The following CHD6 variants were observed in gnomAD, a reference collection of about 807,000 sequenced individuals.
CHD6 encodes chromodomain helicase DNA binding protein 6, also known as ATP-dependent chromatin remodeler CHD6.
Under a neutral mutation model 276.9 loss-of-function variants are expected in CHD6, and 50 were observed. The ratio of observed to expected loss-of-function variants is 0.18; its 90% confidence interval spans 0.14 to 0.23. The LOEUF (loss-of-function observed/expected upper bound fraction) is 0.23. Ranked by LOEUF, CHD6 falls within the 10% of genes least tolerant of loss-of-function variation. CHD6 has a pLI of 1.00. For synonymous variants in CHD6, 1,173 were observed against 1,229.3 expected (o/e 0.95, Z 0.96); for missense variants, 2,564 against 3,365.8 (o/e 0.76, Z 5.89).
chr20:41,547,575 G>T, intron 2 of CHD6: 1 of 519,182 alleles, frequency 1.9e-6, no homozygotes, highest in South Asian at 1.5e-5. Flanking sequence ...GGCAACTAGT[G>T]ACTGGAAGGG....
chr20:41,598,437 G>A (rs1034076214), intron 1 of CHD6, among the ~76,000 whole-genome samples: 3 of 152,092 alleles, frequency 2.0e-5, no homozygotes, highest in Admixed American at 6.6e-5. Context: ...TAAATATTCC[G>A]TCCGCAAACT....
At chr20:41,607,885 G>C (rs906077702) in intron 1 of CHD6, among the ~76,000 whole-genome samples, 20 of 152,068 alleles carry the variant, frequency 1.3e-4, no homozygotes, top group African/African-American at 4.6e-4. Context: ...TGCCTAGAAG[G>C]GACACACATC....
chr20:41,498,803 A>G (rs867063952), intron 6 of CHD6, among the ~76,000 whole-genome samples: 49 of 96,040 alleles, frequency 5.1e-4, no homozygotes, highest in African/African-American at 3.2e-3. Flanking sequence ...GTATGTATGT[A>G]TGTATGTATG....
chr20:41,425,355 A>G lies in CHD6; in HGVS notation c.4169T>C (p.Val1390Ala), dbSNP rs2047328474. ...GSDPDKSPWP[V>A]SSALTARLRR... The stretch of plus-strand genomic sequence containing the variant: ...GAGACGAGCTGTGAGGGCGGAGGAA[A>G]CTGGCCAGGGCGATTTGTCTGGGTC... The change falls in exon 29 of 37, where the codon GTT (valine) becomes GCT (alanine). Residue 1390 changes from valine (V) to alanine (A), a missense_variant. Physicochemically the swap from Val to Ala is moderately conservative, Grantham distance 64. Transcript: ENST00000373233. 1.9e-6 allele frequency: 3 copies of G among 1,614,128 alleles called. No homozygotes were observed. Among genetic ancestry groups the G allele is most frequent in the Non-Finnish European group, 2.5e-6 (3 of 1,180,012 alleles).
chr20:41,403,721 CAG>C lies in CHD6; in HGVS notation c.*870_*871del, dbSNP rs2046591562. 9.5e-7 allele frequency: 1 copy of C among 1,057,256 alleles called. No homozygotes were observed. Among genetic ancestry groups the C allele is most frequent in the Non-Finnish European group, 1.1e-6 (1 of 874,272 alleles). 65.5% of individuals were successfully genotyped at this position (1,057,256 alleles called of 1,614,324 possible). ...ATTCGGTCCTGGTGCTCTTTAAACA[CAG>C]AGAGGCAAATTAATGGCTAGAGAAA... is the stretch of plus-strand genomic sequence containing the variant. On this transcript the variant is annotated 3_prime_UTR_variant, in exon 37 of 37. Coordinates refer to ENST00000373233, the MANE Select transcript of CHD6 (RefSeq NM_032221.5).
At chr20:41,486,477 T>G (rs1207125651) in intron 14 of CHD6, among the ~76,000 whole-genome samples, 1 of 152,146 alleles carries the variant, frequency 6.6e-6, no homozygotes, top group Non-Finnish European at 1.5e-5. Flanking sequence ...GGAATTAAGT[T>G]TGATTATTCA....
Position 41,519,558 on chromosome 20 carries a change from T to C in CHD6, c.555-4606A>G, listed in dbSNP as rs551015880. On this transcript the variant is annotated intron_variant, in intron 3 of 36. Coordinates refer to ENST00000373233, the MANE Select transcript of CHD6 (RefSeq NM_032221.5). ...AGCTATAAAAACAATTAAGAAAGAA[T>C]TCTACAAACTGCAGGAAACAATTCC... Among the ~76,000 whole-genome samples the C allele has an allele frequency of 1.6e-3, 245 of 152,264 alleles. 1 individual carries two copies. Among genetic ancestry groups the C allele is most frequent in the Admixed American group, 3.8e-3 (58 of 15,288 alleles).
rs549464857 is a variant in CHD6 at position 41,423,591 on chromosome 20, G to A, written c.4456C>T (p.Arg1486Cys). 6.2e-6 allele frequency: 10 copies of A among 1,614,170 alleles called. No individual in the cohort carries two copies. In the Admixed American group the frequency reaches 1.3e-4, roughly 22 times the overall value. Residue 1486 changes from arginine to cysteine, a missense_variant, in exon 30 of 37, where the codon CGT becomes TGT. Arg to Cys is a radical substitution (Grantham distance 180, BLOSUM62 -3). Around this residue, in one of 7 missense-constraint regions of CHD6, gnomAD observed 515 missense variants for 739.5 expected, o/e 0.70. Coordinates refer to ENST00000373233, the MANE Select transcript of CHD6 (RefSeq NM_032221.5). ...CTCTCATCCGACTTCTTGTCCAAAC[G>A]GGAAATGATGCGGAACTGTGTCCAG... ...FDWTQFRIIS[R>C]LDKKSDESLE...
In CHD6 at chr20:41,454,645, G is replaced by A. The variant is rs1425208944; in HGVS notation, c.3101C>T (p.Thr1034Ile). 6.2e-7 allele frequency: 1 copy of A among 1,612,510 alleles called. No homozygotes were observed. The highest frequency in any genetic ancestry group is 1.1e-5 in the South Asian group (1 of 90,760). ...CTGTACCTTTTCATTCTTTGCTTCA[G>A]TGTCTAGTTCAGCTATTTTAGCCCA... ...QKWAKIAELDTEAKNEKESLV... is the reference protein window; with the variant it reads ...QKWAKIAELDIEAKNEKESLV... Residue 1034 changes from threonine to isoleucine, a missense_variant, in exon 20 of 37, where the codon ACT becomes ATT. Thr to Ile is a moderately conservative substitution (Grantham distance 89). Coordinates refer to ENST00000373233, the MANE Select transcript of CHD6 (RefSeq NM_032221.5).
intron 2 of CHD6, among the ~76,000 whole-genome samples, chr20:41,542,338 T>C (rs750687203): frequency 1.3e-5 from 2 of 152,166 alleles, no homozygotes; most frequent in Non-Finnish European, 2.9e-5. Flanking sequence ...GCCCAAAACT[T>C]AGGCCAACTC....
intron 1 of CHD6, among the ~76,000 whole-genome samples, chr20:41,588,117 G>A (rs2146253478): frequency 1.3e-5 from 2 of 152,138 alleles, no homozygotes; most frequent in South Asian, 4.2e-4. Context: ...AGGGAGTGGT[G>A]TAAATGGCAA....
chr20:41,539,581 C>A (rs949364426), intron 2 of CHD6, among the ~76,000 whole-genome samples: 60 of 152,248 alleles, frequency 3.9e-4, no homozygotes, highest in Middle Eastern at 6.8e-3. Flanking sequence ...GAGGGCAGTG[C>A]TAGAAATTAC....
At chr20:41,493,000 G>C (rs528945736) in intron 10 of CHD6, among the ~76,000 whole-genome samples, 6 of 152,236 alleles carry the variant, frequency 3.9e-5, no homozygotes, top group Non-Finnish European at 7.4e-5. Context: ...GGCGCCCTGG[G>C]AGATCTTGGC....
Position 41,533,392 on chromosome 20 carries a change from A to C in CHD6, c.212T>G (p.Leu71Arg). 1 of 1,613,972 alleles carries C rather than the reference A, an allele frequency of 6.2e-7. No individual in the cohort carries two copies. Among genetic ancestry groups the C allele is most frequent in the Non-Finnish European group, 8.5e-7 (1 of 1,179,982 alleles). Residue 71 changes from leucine (L) to arginine (R), a missense_variant, in exon 3 of 37, where the codon CTT (leucine) becomes CGT (arginine). Physicochemically the swap from Leu to Arg is moderately radical, Grantham distance 102 (BLOSUM62 -2). Transcript: ENST00000373233. Reference protein sequence around the residue: ...LYTAEEEAATLFPRKMTSHNG... With the variant: ...LYTAEEEAATRFPRKMTSHNG... ...ATGGGATGTCATTTTCCTAGGAAAA[A>C]GGGTAGCAGCTTCCTCTTCAGCAGT...
chr20:41,416,064 A>G (rs2046986469), intron 33 of CHD6, among the ~76,000 whole-genome samples: 1 of 152,168 alleles, frequency 6.6e-6, no homozygotes, highest in Non-Finnish European at 1.5e-5. Context: ...TGTGCAGTTG[A>G]GCATGAGAAC....
In CHD6 at chr20:41,489,919, G is replaced by A. The variant is rs1568637271; in HGVS notation, c.1539C>T (p.Leu513=). ...IFLRGIHGPF[L]IIAPLSTITN... ...TGATGGTGGAGAGAGGGGCGATAATGAGAAAAGGGCCGTGGATTCCTCTCA... is the reference window on the plus strand; with the variant it reads ...TGATGGTGGAGAGAGGGGCGATAATAAGAAAAGGGCCGTGGATTCCTCTCA... Residue 513 remains leucine, a synonymous_variant, in exon 12 of 37, where the codon CTC becomes CTT. Coordinates refer to ENST00000373233, the MANE Select transcript of CHD6 (RefSeq NM_032221.5). The A allele has an allele frequency of 1.2e-6, 2 of 1,613,964 alleles. No homozygotes were observed. The highest frequency in any genetic ancestry group is 1.1e-5 in the South Asian group (1 of 91,086).
chr20:41,518,748 A>G (rs1469618406), intron 3 of CHD6, among the ~76,000 whole-genome samples: 1 of 152,196 alleles, frequency 6.6e-6, no homozygotes, highest in Non-Finnish European at 1.5e-5. Flanking sequence ...TTCAGGAAGA[A>G]AAGATTCCCT....
chr20:41,406,866 T>G (rs756875132), intron 36 of CHD6, among the ~76,000 whole-genome samples: 16 of 152,216 alleles, frequency 1.1e-4, no homozygotes, highest in Non-Finnish European at 2.1e-4. Context: ...CAGCGTTTCC[T>G]CACCCAGGGG....
intron 16 of CHD6, among the ~76,000 whole-genome samples, chr20:41,482,948 T>C (rs1255349789): frequency 1.3e-5 from 2 of 152,226 alleles, no homozygotes; most frequent in African/African-American, 4.8e-5. Context: ...ATTTCCAGGA[T>C]ATATTTCTTT....
Sources: gnomAD v4.1 joint callset for allele counts (sites outside exome capture counted in the v4.1 genomes callset) on GRCh38, gnomAD v4.1.1 for gene constraint, gnomAD v4.1.1 regional missense constraint, MANE v1.5 for transcripts, NCBI Gene and HGNC (gene_info 2026-07-23, HGNC 2026-07-21) for gene names.